The following RALGDS variants were observed in gnomAD, a reference collection of about 807,000 sequenced individuals.
The protein encoded by RALGDS is ral guanine nucleotide dissociation stimulator, also known as ral guanine nucleotide exchange factor.
RALGDS carries 44 observed loss-of-function variants against 99.8 expected under a neutral mutation model. That is an observed-to-expected ratio of 0.44 (90% CI 0.35 to 0.57). The LOEUF is 0.57. Among genes scored for constraint, RALGDS ranks in the 20% least tolerant of loss-of-function variants. The pLI is 0.01. For missense variants in RALGDS, 1,022 were observed against 1,203.1 expected (o/e 0.85, Z 2.23); for synonymous variants, 529 against 505.0 (o/e 1.05, Z -0.64).
intron 1 of RALGDS, among the ~76,000 whole-genome samples, chr9:133,119,779 A>G (rs10901235): frequency 0.25 from 38,620 of 151,574 alleles, 5,195 homozygotes; most frequent in South Asian, 0.33. Context: ...TGCCAAGCTC[A>G]GGAGGAAAGG....
upstream of RALGDS, chr9:133,121,282 C>T (rs1180474590): frequency 3.4e-6 from 2 of 582,810 alleles, no homozygotes; most frequent in African/African-American, 2.1e-5. Context: ...GGCTGGGGGG[C>T]GGGGCCGGAG....
rs1414829161 is a variant in RALGDS, at chr9:133,098,061, G to A, written c.*526C>T. The A allele has an allele frequency of 7.7e-6, 2 of 259,352 alleles. No individual in the cohort carries two copies. The highest frequency in any genetic ancestry group is 1.5e-5 in the Non-Finnish European group (2 of 133,406). The allele number at this position is 259,352 out of a possible 1,614,324, so 16.1% of individuals were successfully genotyped here. A position where few individuals can be genotyped will look rare whatever the true frequency, so the allele number is the denominator to read the frequency against. On this transcript the variant is annotated 3_prime_UTR_variant, in exon 18 of 18. Transcript: ENST00000372050. ...TGCTCCCAGGGGAGGGCTGGGGTAA[G>A]CGGTGGGTGAGACTCCCTCACTCTC...
intron 1 of RALGDS, among the ~76,000 whole-genome samples, chr9:133,128,080 G>A (rs1040205265): frequency 1.3e-5 from 2 of 152,204 alleles, no homozygotes; most frequent in Non-Finnish European, 2.9e-5. Context: ...GCTGCAAATC[G>A]GGGGCCGCTC....
At chr9:133,119,878 C>T (rs918489317) in intron 1 of RALGDS, among the ~76,000 whole-genome samples, 12 of 152,148 alleles carry the variant, frequency 7.9e-5, no homozygotes, top group African/African-American at 2.2e-4. Context: ...GTCTAGGTAC[C>T]GGGACACCAA....
At position 133,137,387 on chromosome 9, in the gene RALGDS, A is replaced by G. The variant is rs549297157; in HGVS notation, c.18+11576T>C. On this transcript the variant is annotated intron_variant, in intron 1 of 17. Coordinates refer to the RALGDS transcript ENST00000393160. ...CAGCTGGCTCTCCATAAATGCCTAG[A>G]TGAACAAGTGAGCTCGATGGGCCAG... is the stretch of plus-strand genomic sequence containing the variant. 1.8e-3 allele frequency among the ~76,000 whole-genome samples: 281 copies of G among 152,376 alleles called. 1 individual carries two copies. Among genetic ancestry groups the G allele is most frequent in the African/African-American group, 6.4e-3 (268 of 41,594 alleles).
At position 133,109,627 on chromosome 9, in the gene RALGDS, T is replaced by C. The variant is rs1238343717; in HGVS notation, c.583A>G (p.Asn195Asp). 3 of 1,611,456 alleles carry C rather than the reference T, an allele frequency of 1.9e-6. No homozygotes were observed. The East Asian group carries it at 6.7e-5, about 36-fold the overall frequency. The change falls in exon 4 of 18, where the codon AAT (asparagine) becomes GAT (aspartate). Residue 195 changes from asparagine to aspartate, a missense_variant and splice_region_variant. This residue lies in a region of RALGDS where 825 missense variants were observed against 994.5 expected (regional missense o/e 0.83). Transcript: ENST00000372050. ...EDGGPQDQLK[N>D]AISSILGTWL... is the part of the protein sequence containing the mutation. The stretch of plus-strand genomic sequence containing the variant: ...CCTCTTGGCTCAAAGCTCACTCACT[T>C]TTTAAGTTGGTCCTGGGGTCCACCA...
At chr9:133,121,517 C>G (rs1831947409), upstream of RALGDS, among the ~76,000 whole-genome samples, 1 of 152,154 alleles carries the variant, frequency 6.6e-6, no homozygotes, top group South Asian at 2.1e-4. Flanking sequence ...GCCTTGGGTA[C>G]CCCGGTTAGG....
At chr9:133,100,776 G>C (rs1415157966) in intron 16 of RALGDS, 2 of 1,154,878 alleles carry the variant, frequency 1.7e-6, no homozygotes, top group African/African-American at 3.2e-5. Context: ...CGGCCAGGAT[G>C]CTCAGTGTGG....
Position 133,101,807 on chromosome 9 carries a change from G to A in RALGDS, c.2212-45C>T, listed in dbSNP as rs189438748. The A allele has an allele frequency of 4.0e-4, 633 of 1,565,084 alleles. 1 individual carries two copies. The highest frequency in any genetic ancestry group is 5.2e-4 in the Non-Finnish European group (596 of 1,154,658). ...CAGCAGATCCCACTGCCCTGTGGGG[G>A]CACCCCAGGCCAGCTGCCAGATGGG... is the stretch of plus-strand genomic sequence containing the variant. On this transcript the variant is annotated intron_variant, in intron 15 of 17. Transcript: ENST00000372050.
chr9:133,114,617 C>T lies in RALGDS; in HGVS notation c.184-2465G>A, dbSNP rs534859272. On this transcript the variant is annotated intron_variant, in intron 1 of 17. Coordinates refer to ENST00000372050, the MANE Select transcript of RALGDS (RefSeq NM_006266.4). ...TGGGCCCCAGGGCACTCTGGCCGGGCTGGGAGCTCAGAGCGGGAGGAGCAG... is the reference window on the plus strand; with the variant it reads ...TGGGCCCCAGGGCACTCTGGCCGGGTTGGGAGCTCAGAGCGGGAGGAGCAG... Among the ~76,000 whole-genome samples the T allele has an allele frequency of 5.3e-5, 8 of 152,360 alleles. No individual in the cohort carries two copies. The South Asian group carries it at 1.5e-3, about 28-fold the overall frequency.
chr9:133,104,375 G>C (rs765653190), intron 9 of RALGDS, 44 bp from the exon 10 acceptor site: 2 of 1,540,826 alleles, frequency 1.3e-6, no homozygotes, highest in South Asian at 1.1e-5. Flanking sequence ...TATCCCCTCA[G>C]CCCTCAGGCA....
In RALGDS at chr9:133,098,593, G is replaced by T; in HGVS notation, c.2739C>A (p.Ile913=). Residue 913 remains isoleucine (I), a synonymous_variant, in exon 18 of 18, where the codon ATC becomes ATA. Transcript: ENST00000372050. ...AGACCCTGGGAGGATGCCCTCAGAAGATGCCCTTGGCAATCTTGAGTCCTT... is the reference window on the plus strand; with the variant it reads ...AGACCCTGGGAGGATGCCCTCAGAATATGCCCTTGGCAATCTTGAGTCCTT... ...KQKGLKIAKG[I]F 6.2e-7 allele frequency: 1 copy of T among 1,614,104 alleles called. No homozygotes were observed. The highest frequency in any genetic ancestry group is 8.5e-7 in the Non-Finnish European group (1 of 1,180,016).
chr9:133,139,863 G>A (rs1306257797), intron 1 of RALGDS, among the ~76,000 whole-genome samples: 9 of 152,132 alleles, frequency 5.9e-5, no homozygotes, highest in African/African-American at 7.2e-5. Context: ...CCCCACATCC[G>A]TAGGCCCACA....
chr9:133,136,742 G>A (rs1329648682), intron 1 of RALGDS, among the ~76,000 whole-genome samples: 1 of 152,124 alleles, frequency 6.6e-6, no homozygotes, highest in African/African-American at 2.4e-5. Flanking sequence ...CTGCACTCCA[G>A]CCTGGGCGAC....
At chr9:133,115,238 C>T (rs968043726) in intron 1 of RALGDS, among the ~76,000 whole-genome samples, 1 of 152,228 alleles carries the variant, frequency 6.6e-6, no homozygotes, top group African/African-American at 2.4e-5. Context: ...CCTTGGAAAC[C>T]GTAGCTAGTG....
Position 133,107,302 on chromosome 9 carries a change from TG to T in RALGDS, c.1198-3del, listed in dbSNP as rs747180760. 4 of 1,611,796 alleles carry T rather than the reference TG, an allele frequency of 2.5e-6. No individual in the cohort carries two copies. The South Asian group carries it at 4.4e-5, about 18-fold the overall frequency. ...GGGCACCACCTTCTTGAACAGTTCCTGGGGAGGAGGCTAAATGTCACCTGGT... is the reference window on the plus strand; with the variant it reads ...GGGCACCACCTTCTTGAACAGTTCCTGGGAGGAGGCTAAATGTCACCTGGT... On this transcript the variant is annotated splice_region_variant and splice_polypyrimidine_tract_variant and intron_variant, in intron 6 of 17. Coordinates refer to ENST00000372050, the MANE Select transcript of RALGDS (RefSeq NM_006266.4).
rs371152440 is a variant in RALGDS, at chr9:133,102,915, A to G, written c.1792-15T>C. 2.5e-6 allele frequency: 4 copies of G among 1,612,634 alleles called. No individual in the cohort carries two copies. Among genetic ancestry groups the G allele is most frequent in the African/African-American group, 2.7e-5 (2 of 75,020 alleles). On this transcript the variant is annotated splice_polypyrimidine_tract_variant and intron_variant, in intron 12 of 17. Coordinates refer to ENST00000372050, the MANE Select transcript of RALGDS (RefSeq NM_006266.4). ...ACCTCGAACTCCTGGGGCCAGAGGG[A>G]AGCACAGGGCGGTGACAAGGCCCCC...
intron 1 of RALGDS, among the ~76,000 whole-genome samples, chr9:133,139,121 T>C (rs761477642): frequency 2.6e-5 from 4 of 152,098 alleles, no homozygotes; most frequent in Non-Finnish European, 5.9e-5. Flanking sequence ...GCTGCAGACA[T>C]ACAGGGTCAC....
At chr9:133,142,158 G>T (rs1456352592) in intron 1 of RALGDS, among the ~76,000 whole-genome samples, 2 of 152,214 alleles carry the variant, frequency 1.3e-5, no homozygotes, top group African/African-American at 2.4e-5. Flanking sequence ...GAGATGGGGA[G>T]GGGGGAGTGG....
Sources: allele counts gnomAD v4.1 joint callset (sites outside exome capture counted in the v4.1 genomes callset), GRCh38; gene constraint gnomAD v4.1.1; regional missense constraint gnomAD v4.1.1; transcripts MANE v1.5; gene names NCBI Gene and HGNC (gene_info 2026-07-23, HGNC 2026-07-21).